The following SMG6 variants were observed in gnomAD, a reference collection of about 807,000 sequenced individuals.
The protein encoded by SMG6 is SMG6 nonsense mediated mRNA decay factor, also known as telomerase-binding protein EST1A.
A neutral mutation model predicts 142.2 loss-of-function variants in SMG6; 66 were observed. That is an observed-to-expected ratio of 0.46 (90% confidence interval 0.38 to 0.57). The LOEUF is 0.57. Among genes scored for constraint, SMG6 ranks in the 20% least tolerant of loss-of-function variants. The pLI, the probability that SMG6 is intolerant of heterozygous loss-of-function variation, is 0.00. For missense variants in SMG6, 1,793 were observed against 1,832.0 expected (o/e 0.98, Z 0.39); for synonymous variants, 779 against 702.4 (o/e 1.11, Z -1.72).
intron 6 of SMG6, among the ~76,000 whole-genome samples, chr17:2,286,535 G>C (rs998531200): frequency 2.6e-5 from 4 of 152,240 alleles, no homozygotes; most frequent in Non-Finnish European, 5.9e-5. Flanking sequence ...GGTGCTGAGA[G>C]AATGTAATAA....
intron 10 of SMG6, among the ~76,000 whole-genome samples, chr17:2,231,673 G>A (rs2073498729): frequency 6.6e-6 from 1 of 151,758 alleles, no homozygotes; most frequent in South Asian, 2.1e-4. Flanking sequence ...CTCCAGCCTG[G>A]GCGACAGAGC....
chr17:2,256,935 G>A (rs1463504385), intron 8 of SMG6, among the ~76,000 whole-genome samples: 2 of 150,466 alleles, frequency 1.3e-5, no homozygotes, highest in Admixed American at 1.3e-4. Flanking sequence ...GAGTAATGTG[G>A]CAAAACCCAG....
intron 10 of SMG6, among the ~76,000 whole-genome samples, chr17:2,206,820 G>T (rs1280133142): frequency 6.6e-6 from 1 of 151,434 alleles, no homozygotes; most frequent in South Asian, 2.1e-4. Flanking sequence ...CCCTGAAGGC[G>T]GAGGTCACAG....
rs143753634 is a variant in SMG6 at position 2,079,957 on chromosome 17, C to A, written c.3681+1853G>T. ...GGGTATGGTGGCAGGCGCCTGTAAT[C>A]CCAGCTACTTGGGAGGCTGAGACAG... On this transcript the variant is annotated intron_variant, in intron 15 of 18. Transcript: ENST00000263073. Among the ~76,000 whole-genome samples the A allele has an allele frequency of 4.2e-3, 633 of 151,076 alleles. 4 individuals are homozygous for A. Among genetic ancestry groups the A allele is most frequent in the African/African-American group, 0.013 (532 of 41,108 alleles).
intron 8 of SMG6, 86 bp downstream of exon 8, chr17:2,282,561 A>C: frequency 7.6e-7 from 1 of 1,314,188 alleles, no homozygotes; most frequent in Non-Finnish European, 1.1e-6. Context: ...ATCAGTGGGA[A>C]GTATCTGTGC....
At chr17:2,117,904 T>C (rs776962889) in intron 13 of SMG6, 5 of 152,126 alleles carry the variant, frequency 3.3e-5, no homozygotes, top group Non-Finnish European at 7.3e-5. Flanking sequence ...TTGATATCCA[T>C]ATGGGGGGAA....
intron 13 of SMG6, among the ~76,000 whole-genome samples, chr17:2,098,196 G>C (rs148235516): frequency 4.6e-5 from 7 of 152,168 alleles, no homozygotes; most frequent in Non-Finnish European, 1.0e-4. Flanking sequence ...TGCCCCAGTT[G>C]GTCTTGAACT....
rs140376552 is a variant in SMG6, at chr17:2,139,300, A to G, written c.3357+33358T>C. Among the ~76,000 whole-genome samples, 275 of 152,320 alleles carry G rather than the reference A, an allele frequency of 1.8e-3. 2 individuals are homozygous for G. The highest frequency in any genetic ancestry group is 3.6e-3 in the Non-Finnish European group (242 of 68,038). On this transcript the variant is annotated intron_variant, in intron 13 of 18. Transcript: ENST00000263073. ...TTTCTCTTCTGGGAGACACCAAACC[A>G]AACAGTGAGGCCTATTTCACCAAAC...
intron 10 of SMG6, among the ~76,000 whole-genome samples, chr17:2,217,496 C>T (rs2073051422): frequency 6.6e-6 from 1 of 152,126 alleles, no homozygotes; most frequent in South Asian, 2.1e-4. Flanking sequence ...TGACCACTCC[C>T]AACCACCAGA....
chr17:2,303,024 T>C (rs1468205265), intron 1 of SMG6: 4 of 985,340 alleles, frequency 4.1e-6, no homozygotes, highest in Non-Finnish European at 4.8e-6. Flanking sequence ...TTTCCTGACG[T>C]GGCTGGAGAC....
chr17:2,219,208 A>AG lies in SMG6; in HGVS notation c.2869+17283dup, dbSNP rs572795019. 1.1e-4 allele frequency among the ~76,000 whole-genome samples: 17 copies of AG among 151,390 alleles called. No individual in the cohort carries two copies. In the South Asian group the frequency reaches 3.6e-3, roughly 32 times the overall value. On this transcript the variant is annotated intron_variant, in intron 10 of 18. Transcript: ENST00000263073. ...GAGACCAGCCTGGCCAACAAGACAA[A>AG]GCCCCATCTCTGCTAAAAATCCAAA...
intron 10 of SMG6, chr17:2,233,717 G>C (rs1597666611): frequency 7.5e-6 from 1 of 134,044 alleles, no homozygotes; most frequent in South Asian, 2.2e-4. Flanking sequence ...TATTGCCACT[G>C]TCCAGGCAAG....
At chr17:2,241,128 A>G (rs756498066) in intron 9 of SMG6, among the ~76,000 whole-genome samples, 4 of 152,220 alleles carry the variant, frequency 2.6e-5, no homozygotes, top group Admixed American at 1.3e-4. Context: ...ATTTTCCTCA[A>G]TGAAAACTAC....
intron 13 of SMG6, among the ~76,000 whole-genome samples, chr17:2,120,874 T>C (rs1448124515): frequency 6.6e-6 from 1 of 152,060 alleles, no homozygotes; most frequent in East Asian, 1.9e-4. Flanking sequence ...AAATCATCTT[T>C]GGAAAAAGCT....
intron 10 of SMG6, among the ~76,000 whole-genome samples, chr17:2,222,676 G>A (rs766922320): frequency 2.0e-5 from 3 of 151,278 alleles, no homozygotes; most frequent in Non-Finnish European, 4.4e-5. Flanking sequence ...TGTATGTAAT[G>A]TGTCTGTGTG....
At chr17:2,211,405 C>G (rs951669691) in intron 10 of SMG6, among the ~76,000 whole-genome samples, 8 of 152,150 alleles carry the variant, frequency 5.3e-5, no homozygotes, top group African/African-American at 1.7e-4. Flanking sequence ...TGGCTCACGC[C>G]TGTAATCCCA....
At chr17:2,240,733 C>T (rs1185738219) in intron 9 of SMG6, among the ~76,000 whole-genome samples, 6 of 152,222 alleles carry the variant, frequency 3.9e-5, no homozygotes, top group Admixed American at 2.6e-4. Flanking sequence ...AGTAGGCATT[C>T]GAGTCTCTGC....
chr17:2,286,923 ATTTTTT>A (rs59503723), intron 6 of SMG6, among the ~76,000 whole-genome samples: 25,612 of 110,740 alleles, frequency 0.23, 1,758 homozygotes, highest in Middle Eastern at 0.3. Flanking sequence ...ACATAAAATA[ATTTTTT>A]TTTTTTTTTT....
chr17:2,105,857 A>C (rs1283496909), intron 13 of SMG6, among the ~76,000 whole-genome samples: 4 of 152,200 alleles, frequency 2.6e-5, no homozygotes, highest in Non-Finnish European at 4.4e-5. Context: ...AAGTTTTAAG[A>C]CCTATATGTG....
Sources: gnomAD v4.1 joint callset for allele counts (sites outside exome capture counted in the v4.1 genomes callset) on GRCh38, gnomAD v4.1.1 for gene constraint, MANE v1.5 for transcripts, NCBI Gene and HGNC (gene_info 2026-07-23, HGNC 2026-07-21) for gene names.